NPSR1: variants seen among roughly 807,000 people sequenced by gnomAD.
The protein encoded by NPSR1 is neuropeptide S receptor.
In NPSR1, 48 loss-of-function variants were observed where a neutral mutation model predicts 46.9. The ratio of observed to expected loss-of-function variants is 1.02; its 90% CI spans 0.81 to 1.30. The LOEUF (loss-of-function observed/expected upper bound fraction) is 1.30, where lower values mean the gene tolerates loss of function less well. Among genes scored for constraint, NPSR1 ranks in the 50% most tolerant of loss-of-function variants. NPSR1 has a pLI of 0.00. For missense variants in NPSR1, 450 were observed against 449.5 expected (o/e 1.00, Z -0.01); for synonymous variants, 176 against 168.1 (o/e 1.05, Z -0.36).
intron 3 of NPSR1, among the ~76,000 whole-genome samples, chr7:34,791,878 A>G (rs2128743886): frequency 6.6e-6 from 1 of 152,236 alleles, no homozygotes; most frequent in South Asian, 2.1e-4. Context: ...AGAATAAAGA[A>G]GCCAGAAATA....
Position 34,827,702 on chromosome 7 carries a change from C to T in NPSR1, c.680+100C>T. The T allele has an allele frequency of 3.6e-6, 3 of 843,804 alleles. No individual in the cohort carries two copies. The South Asian group carries it at 4.8e-5, about 14-fold the overall frequency. The allele number at this position is 843,804 out of a possible 1,614,324, so 52.3% of individuals were successfully genotyped here. Reference sequence around the variant, plus strand: ...CTCCTCCCCAACAGACCCATTTTTCCTAGTGCCCTTGAGGGAACTGACCAG... The same window carrying T: ...CTCCTCCCCAACAGACCCATTTTTCTTAGTGCCCTTGAGGGAACTGACCAG... On this transcript the variant is annotated intron_variant, in intron 5 of 8. Coordinates refer to ENST00000360581, the MANE Select transcript of NPSR1 (RefSeq NM_207172.2).
chr7:34,680,310 A>G (rs1583793593), intron 1 of NPSR1, among the ~76,000 whole-genome samples: 1 of 152,212 alleles, frequency 6.6e-6, no homozygotes. Context: ...TTCAAAGTAC[A>G]TATATGAAAG....
chr7:34,725,687 G>C (rs1784109333), intron 2 of NPSR1, among the ~76,000 whole-genome samples: 1 of 152,190 alleles, frequency 6.6e-6, no homozygotes, highest in African/African-American at 2.4e-5. Flanking sequence ...TAAAAAGAAA[G>C]TGGATCAAGA....
intron 2 of NPSR1, among the ~76,000 whole-genome samples, chr7:34,764,521 T>C (rs369067472): frequency 6.6e-6 from 1 of 152,282 alleles, no homozygotes; most frequent in East Asian, 1.9e-4. Flanking sequence ...GAGTAGCTGT[T>C]ACAGAGACTA....
chr7:34,788,512 T>G (rs74301241), intron 3 of NPSR1, among the ~76,000 whole-genome samples: 41 of 152,212 alleles, frequency 2.7e-4, no homozygotes, highest in Admixed American at 1.1e-3. Context: ...GAGGGGTTGC[T>G]ACATTTACAT....
chr7:34,826,181 C>T (rs1205381538), intron 4 of NPSR1, among the ~76,000 whole-genome samples: 2 of 152,112 alleles, frequency 1.3e-5, no homozygotes, highest in Admixed American at 6.6e-5. Flanking sequence ...ACAGGAAAGA[C>T]CTTAATCAGA....
chr7:34,710,349 G>C (rs764489863), intron 2 of NPSR1, among the ~76,000 whole-genome samples: 1 of 152,228 alleles, frequency 6.6e-6, no homozygotes, highest in Admixed American at 6.5e-5. Flanking sequence ...GAGGAAAGGA[G>C]CAGAGGAATT....
At chr7:34,682,385 C>T (rs1326840850) in intron 1 of NPSR1, among the ~76,000 whole-genome samples, 1 of 152,190 alleles carries the variant, frequency 6.6e-6, no homozygotes, top group Non-Finnish European at 1.5e-5. Flanking sequence ...CACCATCGTC[C>T]TCCCTGATAG....
chr7:34,832,123 G>A (rs551081368), intron 5 of NPSR1, among the ~76,000 whole-genome samples: 5 of 152,290 alleles, frequency 3.3e-5, no homozygotes, highest in Admixed American at 3.3e-4. Context: ...GAGATTGTAA[G>A]GGTCTCCACT....
chr7:34,737,279 C>A (rs1374762040), intron 2 of NPSR1, among the ~76,000 whole-genome samples: 1 of 152,194 alleles, frequency 6.6e-6, no homozygotes, highest in Non-Finnish European at 1.5e-5. Flanking sequence ...TTCCCCCAAC[C>A]CCGATTAAGT....
intron 3 of NPSR1, among the ~76,000 whole-genome samples, chr7:34,788,590 C>T (rs77799293): frequency 0.074 from 11,234 of 151,940 alleles, 489 homozygotes; most frequent in East Asian, 0.12. Context: ...TAATAATAAA[C>T]GGATTATTTC....
intron 2 of NPSR1, among the ~76,000 whole-genome samples, chr7:34,709,542 T>G (rs191766467): frequency 2.6e-5 from 4 of 152,272 alleles, no homozygotes; most frequent in African/African-American, 9.6e-5. Context: ...GTGACCAACC[T>G]GATGAATAGA....
intron 2 of NPSR1, among the ~76,000 whole-genome samples, chr7:34,763,848 T>A (rs1371655700): frequency 6.6e-6 from 1 of 152,226 alleles, no homozygotes; most frequent in East Asian, 1.9e-4. Flanking sequence ...TAAACTCCCA[T>A]GACTAGCAGG....
chr7:34,743,703 T>A (rs1785067113), intron 2 of NPSR1, among the ~76,000 whole-genome samples: 1 of 152,180 alleles, frequency 6.6e-6, no homozygotes, highest in Admixed American at 6.5e-5. Flanking sequence ...TTAGATCATG[T>A]GTTATTTTCA....
chr7:34,716,038 G>A (rs1248647790), intron 2 of NPSR1, among the ~76,000 whole-genome samples: 1 of 151,274 alleles, frequency 6.6e-6, no homozygotes, highest in South Asian at 2.1e-4. Flanking sequence ...GTGGAAAGAG[G>A]GTGGCCTCCA....
At chr7:34,830,418 T>C (rs986922098) in intron 5 of NPSR1, among the ~76,000 whole-genome samples, 1 of 152,264 alleles carries the variant, frequency 6.6e-6, no homozygotes, top group African/African-American at 2.4e-5. Context: ...TGAGATTGAA[T>C]ATATTTTATA....
intron 2 of NPSR1, among the ~76,000 whole-genome samples, chr7:34,740,789 G>A (rs1441573802): frequency 6.6e-6 from 1 of 152,180 alleles, no homozygotes; most frequent in Non-Finnish European, 1.5e-5. Flanking sequence ...TCTGCTTCCT[G>A]CAGAGGGTCT....
rs144762888 is a variant in NPSR1, at chr7:34,845,673, ATTGATTTT to A, written c.844+692_844+699del. On this transcript the variant is annotated intron_variant, in intron 7 of 8. Transcript: ENST00000360581. ...TTCTACCTCACACTACAGGATATAG[ATTGATTTT>A]CTTATAGTCTGTCTCCCCTGTTGGA... is the stretch of plus-strand genomic sequence containing the variant. 9.7e-4 allele frequency: 427 copies of A among 439,360 alleles called. 7 individuals are homozygous for A. In the East Asian group the frequency reaches 0.025, roughly 25 times the overall value. 27.2% of individuals were successfully genotyped at this position (439,360 alleles called of 1,614,324 possible). A position where few individuals can be genotyped will look rare whatever the true frequency, so the allele number is the denominator to read the frequency against.
rs999635074 is a variant in NPSR1 at position 34,663,716 on chromosome 7, C to G, written c.147+5157C>G. On this transcript the variant is annotated intron_variant, in intron 1 of 8. Transcript: ENST00000360581. ...CTCTTCCATCGCCCTCAGCGACCCC[C>G]CTGTCATGGGGAAATTGATGACACA... is the stretch of plus-strand genomic sequence containing the variant. Among the ~76,000 whole-genome samples the G allele has an allele frequency of 4.6e-5, 7 of 152,328 alleles. No individual in the cohort carries two copies. The East Asian group carries it at 1.4e-3, about 29-fold the overall frequency.
Sources: gnomAD v4.1 joint callset for allele counts (sites outside exome capture counted in the v4.1 genomes callset) on GRCh38, gnomAD v4.1.1 for gene constraint, MANE v1.5 for transcripts, NCBI Gene and HGNC (gene_info 2026-07-23, HGNC 2026-07-21) for gene names.